ANO3: variants seen among roughly 807,000 people sequenced by gnomAD.
The protein encoded by ANO3 is anoctamin 3, also known as anoctamin-3.
Under a neutral mutation model 144.8 loss-of-function variants are expected in ANO3, and 99 were observed. The ratio of observed to expected loss-of-function variants is 0.68; its 90% CI spans 0.58 to 0.81. The LOEUF (loss-of-function observed/expected upper bound fraction) is 0.81, where lower values mean the gene tolerates loss of function less well. ANO3 is among the 30% of genes least tolerant of loss of function. The pLI, the probability that ANO3 is intolerant of heterozygous loss-of-function variation, is 0.00. For missense variants in ANO3, 905 were observed against 1,202.2 expected (o/e 0.75, Z 3.66); for synonymous variants, 414 against 392.6 (o/e 1.05, Z -0.64).
intron 9 of ANO3, among the ~76,000 whole-genome samples, chr11:26,536,647 C>T (rs1309502460): frequency 3.9e-5 from 6 of 152,018 alleles, no homozygotes; most frequent in Non-Finnish European, 8.8e-5. Flanking sequence ...AATATTTTCT[C>T]AAGCCCTTAA....
At chr11:26,233,929 C>T (rs1270561376) in intron 1 of ANO3, among the ~76,000 whole-genome samples, 1 of 151,904 alleles carries the variant, frequency 6.6e-6, no homozygotes, top group Non-Finnish European at 1.5e-5. Flanking sequence ...ACATTACACG[C>T]AAGGGCCTGT....
intron 1 of ANO3, among the ~76,000 whole-genome samples, chr11:26,383,474 C>G (rs1856640668): frequency 7.3e-6 from 1 of 136,844 alleles, no homozygotes; most frequent in Non-Finnish European, 1.7e-5. Flanking sequence ...TTAGATTGTT[C>G]CTAATAATTA....
intron 26 of ANO3, among the ~76,000 whole-genome samples, chr11:26,659,469 G>A (rs1853809384): frequency 6.6e-6 from 1 of 151,984 alleles, no homozygotes; most frequent in Non-Finnish European, 1.5e-5. Context: ...CAAGGTGGGA[G>A]AATAACTTGA....
intron 5 of ANO3, among the ~76,000 whole-genome samples, chr11:26,510,208 T>C (rs1861611124): frequency 6.6e-6 from 1 of 151,326 alleles, no homozygotes; most frequent in African/African-American, 2.4e-5. Context: ...TTAATGTGTA[T>C]GAAATAACAA....
intron 1 of ANO3, among the ~76,000 whole-genome samples, chr11:26,212,763 ACTC>A (rs1851960322): frequency 1.3e-5 from 2 of 151,322 alleles, no homozygotes; most frequent in Admixed American, 1.3e-4. Context: ...AAAAAGAGGG[ACTC>A]CTCCCTCTTT....
chr11:26,547,029 G>T (rs971120430), intron 11 of ANO3, among the ~76,000 whole-genome samples: 2 of 151,680 alleles, frequency 1.3e-5, no homozygotes, highest in Non-Finnish European at 2.9e-5. Flanking sequence ...TAACTAACCT[G>T]CTCTCAGCAC....
chr11:26,285,115 G>A (rs1249965615), intron 1 of ANO3, among the ~76,000 whole-genome samples: 1 of 150,308 alleles, frequency 6.7e-6, no homozygotes, highest in African/African-American at 2.5e-5. Context: ...TTTTAATTAT[G>A]GTAAGGTTAG....
At chr11:26,283,321 A>AATATATATAT (rs58419788) in intron 1 of ANO3, among the ~76,000 whole-genome samples, 137 of 48,950 alleles carry the variant, frequency 2.8e-3, no homozygotes, top group African/African-American at 4.1e-3. Flanking sequence ...CAAATAAATA[A>AATATATATAT]ATATATATAT....
chr11:26,496,736 A>G (rs1860959287), intron 4 of ANO3, among the ~76,000 whole-genome samples: 1 of 151,998 alleles, frequency 6.6e-6, no homozygotes, highest in East Asian at 1.9e-4. Flanking sequence ...TCGTGTGTAC[A>G]TATAATTTAG....
intron 1 of ANO3, among the ~76,000 whole-genome samples, chr11:26,384,855 G>A (rs1359668308): frequency 6.6e-6 from 1 of 152,172 alleles, no homozygotes; most frequent in Non-Finnish European, 1.5e-5. Context: ...GCCTAATTCT[G>A]TGAACGTCTC....
chr11:26,259,584 T>TG (rs549920926), intron 1 of ANO3, among the ~76,000 whole-genome samples: 684 of 4,436 alleles, frequency 0.15, 20 homozygotes, highest in Middle Eastern at 0.5. Flanking sequence ...GGGGTGGGGG[T>TG]GGGGGGGCAG....
chr11:26,315,772 T>G (rs1393996010), intron 1 of ANO3, among the ~76,000 whole-genome samples: 1 of 152,144 alleles, frequency 6.6e-6, no homozygotes, highest in Non-Finnish European at 1.5e-5. Context: ...GAGATGCTTT[T>G]GAATCATTTA....
chr11:26,552,808 A>G (rs2134228793), intron 12 of ANO3, among the ~76,000 whole-genome samples: 1 of 152,194 alleles, frequency 6.6e-6, no homozygotes, highest in South Asian at 2.1e-4. Context: ...TGCACCAACA[A>G]TATGTACTGC....
chr11:26,452,096 C>G (rs1858966169), intron 3 of ANO3, among the ~76,000 whole-genome samples: 1 of 152,108 alleles, frequency 6.6e-6, no homozygotes, highest in Admixed American at 6.6e-5. Context: ...TCACCATCAT[C>G]AAAGACCAAA....
intron 17 of ANO3, among the ~76,000 whole-genome samples, chr11:26,604,138 T>C (rs11029633): frequency 0.26 from 38,871 of 152,066 alleles, 5,086 homozygotes; most frequent in Middle Eastern, 0.31. Context: ...ACTTCCTCTA[T>C]GATATGAACT....
chr11:26,428,727 TTGTGTG>T (rs66649719), intron 1 of ANO3, among the ~76,000 whole-genome samples: 1,863 of 150,954 alleles, frequency 0.012, 24 homozygotes, highest in Middle Eastern at 0.049. Context: ...CTTGTAGAAT[TTGTGTG>T]TGTGTGTGTG....
chr11:26,339,353 C>T (rs558420809), intron 1 of ANO3, among the ~76,000 whole-genome samples: 2 of 152,214 alleles, frequency 1.3e-5, no homozygotes, highest in East Asian at 3.9e-4. Context: ...TGGGATTTCA[C>T]CATGTTGGCC....
intron 1 of ANO3, among the ~76,000 whole-genome samples, chr11:26,428,143 A>G (rs959906528): frequency 6.6e-6 from 1 of 152,226 alleles, no homozygotes; most frequent in Non-Finnish European, 1.5e-5. Flanking sequence ...GGTATTGAAC[A>G]TAATCAACAA....
intron 18 of ANO3, among the ~76,000 whole-genome samples, chr11:26,626,813 T>G (rs1479044464): frequency 6.6e-6 from 1 of 152,180 alleles, no homozygotes; most frequent in Non-Finnish European, 1.5e-5. Flanking sequence ...TTTCTATGAT[T>G]TTTGTTGGGA....
Sources: gnomAD v4.1 joint callset for allele counts (sites outside exome capture counted in the v4.1 genomes callset) on GRCh38, gnomAD v4.1.1 for gene constraint, MANE v1.5 for transcripts, NCBI Gene and HGNC (gene_info 2026-07-23, HGNC 2026-07-21) for gene names.